Variants in LPP observed in about 807,000 individuals in gnomAD.
LPP encodes the protein lipoma-preferred partner.
In LPP, 38 loss-of-function variants were observed where a neutral mutation model predicts 60.4. The ratio of observed to expected loss-of-function variants is 0.63; its 90% confidence interval spans 0.49 to 0.83. The LOEUF is 0.83. Among genes scored for constraint, LPP ranks in the 40% least tolerant of loss-of-function variants. The pLI is 0.00. For synonymous variants in LPP, 328 were observed against 290.8 expected, an observed-to-expected ratio of 1.13 and a Z score of -1.30; for missense variants, 902 against 783.6, an observed-to-expected ratio of 1.15 and a Z score of -1.80.
chr3:188,396,045 G>A (rs923876267), intron 3 of LPP, among the ~76,000 whole-genome samples: 1 of 152,170 alleles, frequency 6.6e-6, no homozygotes, highest in African/African-American at 2.4e-5. Flanking sequence ...ACAGTTGACA[G>A]TTTTGTGAAC....
In LPP at chr3:188,405,964, T is replaced by C. The variant is rs191944069; in HGVS notation, c.-9-148T>C. 44 of 636,740 alleles carry C rather than the reference T, an allele frequency of 6.9e-5. No homozygotes were observed. The African/African-American group carries it at 7.8e-4, about 11-fold the overall frequency. The allele number at this position is 636,740 out of a possible 1,614,324, so 39.4% of individuals were successfully genotyped here. On this transcript the variant is annotated intron_variant, in intron 3 of 11. Transcript: ENST00000617246. ...TTCATGATTCCTCTGCCTCTTCATT[T>C]TTCTTTCTTCCATTTTCTTTCACCC...
At chr3:188,498,150 G>A (rs996143616) in intron 5 of LPP, among the ~76,000 whole-genome samples, 1 of 151,928 alleles carries the variant, frequency 6.6e-6, no homozygotes, top group African/African-American at 2.4e-5. Context: ...AACCTCCTAT[G>A]TTCTTTTTTT....
At chr3:188,616,322 G>A (rs1422384383) in intron 7 of LPP, among the ~76,000 whole-genome samples, 1 of 152,260 alleles carries the variant, frequency 6.6e-6, no homozygotes, top group African/African-American at 2.4e-5. Context: ...AGTTTTTCTA[G>A]CACCATTTAT....
At chr3:188,532,506 C>A (rs1450179412) in intron 6 of LPP, among the ~76,000 whole-genome samples, 1 of 152,140 alleles carries the variant, frequency 6.6e-6, no homozygotes, top group Non-Finnish European at 1.5e-5. Flanking sequence ...TTTTCTTCTT[C>A]AACTAATATG....
chr3:188,251,055 C>G (rs1729438764), intron 2 of LPP, among the ~76,000 whole-genome samples: 1 of 125,838 alleles, frequency 7.9e-6, no homozygotes, highest in African/African-American at 3.0e-5. Flanking sequence ...CTCTCTCTTT[C>G]TCTCTCTCTG....
intron 7 of LPP, among the ~76,000 whole-genome samples, chr3:188,627,135 A>G (rs981529073): frequency 1.3e-5 from 2 of 152,182 alleles, no homozygotes; most frequent in African/African-American, 2.4e-5. Flanking sequence ...CTGCCTTACA[A>G]CAGGTCCTTA....
intron 2 of LPP, among the ~76,000 whole-genome samples, chr3:188,325,231 T>C (rs1358503258): frequency 6.6e-6 from 1 of 152,168 alleles, no homozygotes; most frequent in Non-Finnish European, 1.5e-5. Context: ...TCCACCCGCC[T>C]CGGCCTCCCA....
intron 11 of LPP, among the ~76,000 whole-genome samples, chr3:188,874,013 T>G (rs1768855115): frequency 6.7e-6 from 1 of 149,708 alleles, no homozygotes; most frequent in Non-Finnish European, 1.5e-5. Flanking sequence ...GACATTCTTA[T>G]TTTCTCTTGT....
rs73054763 is a variant in LPP at position 188,519,294 on chromosome 3, C to T, written c.307-5371C>T. Among the ~76,000 whole-genome samples the T allele has an allele frequency of 7.5e-3, 1,140 of 152,272 alleles. 9 individuals are homozygous for T. Among genetic ancestry groups the T allele is most frequent in the African/African-American group, 0.026 (1,079 of 41,542 alleles). On this transcript the variant is annotated intron_variant, in intron 5 of 11. Transcript: ENST00000617246. ...ATGCAGCAGAAGGGATGTGGCCTCA[C>T]GCATGTGATATTCCTGCCTGACTTA...
chr3:188,332,438 A>G (rs990132554), intron 2 of LPP, among the ~76,000 whole-genome samples: 6 of 151,212 alleles, frequency 4.0e-5, no homozygotes, highest in African/African-American at 1.4e-4. Context: ...CAATTTCACA[A>G]ACACTTACTA....
intron 3 of LPP, among the ~76,000 whole-genome samples, chr3:188,386,649 T>C (rs1027837014): frequency 6.6e-6 from 1 of 152,226 alleles, no homozygotes; most frequent in African/African-American, 2.4e-5. Context: ...GCTGAGACTT[T>C]TTATATTCTA....
At chr3:188,444,879 G>T (rs145433634) in intron 4 of LPP, among the ~76,000 whole-genome samples, 1,600 of 151,950 alleles carry the variant, frequency 0.011, 26 homozygotes, top group Non-Finnish European at 0.012. Flanking sequence ...CCAAAATATG[G>T]AAAAAAAACC....
chr3:188,220,437 T>C (rs1397480394), intron 1 of LPP, among the ~76,000 whole-genome samples: 2 of 152,220 alleles, frequency 1.3e-5, no homozygotes, highest in Non-Finnish European at 1.5e-5. Flanking sequence ...CCTTGACATA[T>C]GGATACTGCT....
chr3:188,232,488 GCCATCACAC>G (rs1720381975), intron 2 of LPP, among the ~76,000 whole-genome samples: 1 of 147,204 alleles, frequency 6.8e-6, no homozygotes, highest in Admixed American at 6.9e-5. Context: ...ACAGATGCAT[GCCATCACAC>G]CCGGCTATTT....
intron 2 of LPP, among the ~76,000 whole-genome samples, chr3:188,308,931 TCTCCTC>T (rs370337454): frequency 6.6e-6 from 1 of 150,738 alleles, no homozygotes; most frequent in African/African-American, 2.5e-5. Context: ...CTTCTTCTTC[TCTCCTC>T]CTCCTCCTCC....
At chr3:188,577,398 G>A (rs564222319) in intron 6 of LPP, among the ~76,000 whole-genome samples, 14 of 152,016 alleles carry the variant, frequency 9.2e-5, no homozygotes, top group African/African-American at 3.1e-4. Flanking sequence ...AGAAGTACAT[G>A]TGTGTATTTC....
rs975928880 is a variant in LPP at position 188,887,371 on chromosome 3, G to T, written c.*12892G>T. 2.3e-5 allele frequency: 5 copies of T among 215,814 alleles called. No individual in the cohort carries two copies. The highest frequency in any genetic ancestry group is 4.7e-5 in the Non-Finnish European group (5 of 107,112). The allele number at this position is 215,814 out of a possible 1,614,324, so 13.4% of individuals were successfully genotyped here. A position where few individuals can be genotyped will look rare whatever the true frequency, so the allele number is the denominator to read the frequency against. The stretch of plus-strand genomic sequence containing the variant: ...ATGCTCACTTAGTAATTATAAACTG[G>T]AAATAGGAGAGTAGCTTGAGCAGGT... On this transcript the variant is annotated 3_prime_UTR_variant, in exon 12 of 12. Transcript: ENST00000617246.
chr3:188,380,828 G>C (rs1008170553), intron 3 of LPP, among the ~76,000 whole-genome samples: 1 of 152,164 alleles, frequency 6.6e-6, no homozygotes, highest in Non-Finnish European at 1.5e-5. Context: ...AACTTTTATT[G>C]AGTATTTACA....
At chr3:188,794,376 C>T (rs116184987) in intron 9 of LPP, among the ~76,000 whole-genome samples, 1,839 of 152,192 alleles carry the variant, frequency 0.012, 39 homozygotes, top group African/African-American at 0.041. Context: ...CTTGCCATTT[C>T]CCAAAGTATC....
Sources: gnomAD v4.1 joint callset for allele counts (sites outside exome capture counted in the v4.1 genomes callset) on GRCh38, gnomAD v4.1.1 for gene constraint, MANE v1.5 for transcripts, NCBI Gene and HGNC (gene_info 2026-07-23, HGNC 2026-07-21) for gene names.